Variants in LRP2 observed in about 807,000 individuals in gnomAD.
The protein encoded by LRP2 is low-density lipoprotein receptor-related protein 2.
In LRP2, 172 loss-of-function variants were observed where a neutral mutation model predicts 531.0. The ratio of observed to expected loss-of-function variants is 0.32; its 90% confidence interval spans 0.29 to 0.37. The LOEUF is 0.37. LRP2 is among the 10% of genes least tolerant of loss of function. The probability of loss-of-function intolerance (pLI) is 1.00; values close to 1 mark genes in which losing one functional copy is unlikely to be tolerated. For missense variants in LRP2, 5,167 were observed against 5,868.3 expected (o/e 0.88, Z 3.90); for synonymous variants, 1,992 against 2,027.6 (o/e 0.98, Z 0.47).
rs189539068 is a variant in LRP2, at chr2:169,354,287, A to G, written c.79+8034T>C. On this transcript the variant is annotated intron_variant, in intron 1 of 78. Transcript: ENST00000649046. ...ATCAGTGAGGAAAGACTTATTTTCA[A>G]AGTTACCAGGAATCTTCATGTGTTA... Among the ~76,000 whole-genome samples, 12 of 152,330 alleles carry G rather than the reference A, an allele frequency of 7.9e-5. No individual in the cohort carries two copies. The East Asian group carries it at 2.3e-3, about 29-fold the overall frequency.
chr2:169,275,000 G>GGTA (rs1559052204), intron 14 of LRP2, 36 bp downstream of exon 14: 1 of 1,598,728 alleles, frequency 6.3e-7, no homozygotes, highest in Admixed American at 1.7e-5. Flanking sequence ...CACCAAGTCC[G>GGTA]GTACCAAGCA....
intron 70 of LRP2, among the ~76,000 whole-genome samples, chr2:169,143,998 T>C (rs1685819028): frequency 6.6e-6 from 1 of 152,168 alleles, no homozygotes; most frequent in Non-Finnish European, 1.5e-5. Context: ...ATTTTCAAAC[T>C]TGAATGTGCT....
chr2:169,206,935 C>G lies in LRP2; in HGVS notation c.6785G>C (p.Arg2262Pro), dbSNP rs201740125. The change falls in exon 39 of 79, where the codon CGT (arginine) becomes CCT (proline). Residue 2262 changes from arginine (R) to proline (P), a missense_variant. Arg to Pro is a moderately radical substitution (Grantham distance 103). Transcript: ENST00000649046. ...DDSLDIIARIRINGENSEVIR... is the reference protein window; with the variant it reads ...DDSLDIIARIPINGENSEVIR... ...CACTTCAGAGTTCTCTCCATTGATA[C>G]GAATCCTTGCAATTATATCTAAAGA... 42 of 1,614,206 alleles carry G rather than the reference C, an allele frequency of 2.6e-5. No individual in the cohort carries two copies. In the East Asian group the frequency reaches 6.7e-4, roughly 26 times the overall value.
intron 1 of LRP2, among the ~76,000 whole-genome samples, chr2:169,341,034 C>T (rs1685548050): frequency 6.6e-6 from 1 of 152,110 alleles, no homozygotes; most frequent in Non-Finnish European, 1.5e-5. Flanking sequence ...AATACATACA[C>T]AAATGATTGT....
intron 1 of LRP2, among the ~76,000 whole-genome samples, chr2:169,361,754 A>G (rs142874144): frequency 9.7e-4 from 148 of 152,290 alleles, no homozygotes; most frequent in Non-Finnish European, 2.0e-3. Context: ...CTCTCGGCCA[A>G]TCCCACCTCC....
At chr2:169,162,380 A>G in intron 63 of LRP2, 92 bp downstream of exon 63, 2 of 1,442,626 alleles carry the variant, frequency 1.4e-6, no homozygotes, top group Non-Finnish European at 1.9e-6. Context: ...TTAAGGAGAA[A>G]ATGTGGTCAG....
intron 28 of LRP2, among the ~76,000 whole-genome samples, chr2:169,236,744 T>G (rs1689619639): frequency 2.0e-5 from 3 of 152,190 alleles, no homozygotes; most frequent in African/African-American, 7.2e-5. Flanking sequence ...TTTTTTGTTG[T>G]ATAATCATGA....
intron 63 of LRP2, among the ~76,000 whole-genome samples, chr2:169,158,475 G>C (rs1272608303): frequency 4.0e-5 from 6 of 151,830 alleles, no homozygotes; most frequent in Non-Finnish European, 8.8e-5. Context: ...AATATGTCTG[G>C]AACTTACGCT....
At chr2:169,197,904 G>C (rs1688059845) in intron 45 of LRP2, among the ~76,000 whole-genome samples, 1 of 152,180 alleles carries the variant, frequency 6.6e-6, no homozygotes, top group African/African-American at 2.4e-5. Context: ...AGGGGCCAGT[G>C]ACAAGAGTTT....
intron 52 of LRP2, among the ~76,000 whole-genome samples, chr2:169,179,807 C>T (rs1156502928): frequency 9.0e-6 from 1 of 110,864 alleles, no homozygotes; most frequent in Admixed American, 8.1e-5. Flanking sequence ...CAATTGCATG[C>T]TCTATAAAAA....
chr2:169,324,047 AAAG>A (rs1461258935), intron 1 of LRP2, among the ~76,000 whole-genome samples: 2 of 152,182 alleles, frequency 1.3e-5, no homozygotes, highest in Non-Finnish European at 2.9e-5. Flanking sequence ...GCAAAGATGA[AAAG>A]AAGTACTCAT....
At chr2:169,263,952 TG>T (rs1382857426) in intron 16 of LRP2, among the ~76,000 whole-genome samples, 1 of 152,104 alleles carries the variant, frequency 6.6e-6, no homozygotes, top group Non-Finnish European at 1.5e-5. Flanking sequence ...TGTAGGGACA[TG>T]GATGAAATTG....
chr2:169,336,058 A>T (rs912142983), intron 1 of LRP2, among the ~76,000 whole-genome samples: 1 of 152,052 alleles, frequency 6.6e-6, no homozygotes, highest in Admixed American at 6.6e-5. Flanking sequence ...CACTATCCTA[A>T]TTCTCTAAAC....
At chr2:169,360,146 AAAGAGAG>A (rs1367045337) in intron 1 of LRP2, among the ~76,000 whole-genome samples, 1 of 47,068 alleles carries the variant, frequency 2.1e-5, no homozygotes, top group Non-Finnish European at 5.7e-5. Context: ...AAAAAAAAAA[AAAGAGAG>A]AGAGAGAGAG....
intron 1 of LRP2, among the ~76,000 whole-genome samples, chr2:169,322,022 C>A (rs1459895058): frequency 6.6e-6 from 1 of 152,126 alleles, no homozygotes; most frequent in Admixed American, 6.6e-5. Flanking sequence ...AGAGAAGACT[C>A]AAAATTATTT....
At chr2:169,200,243 T>C (rs1161570319) in intron 44 of LRP2, among the ~76,000 whole-genome samples, 1 of 152,048 alleles carries the variant, frequency 6.6e-6, no homozygotes, top group East Asian at 1.9e-4. Flanking sequence ...AGAGCAAGAC[T>C]CCATCTCAAA....
chr2:169,285,153 TAAAAAAAA>T (rs58043794), intron 9 of LRP2, among the ~76,000 whole-genome samples: 14 of 134,648 alleles, frequency 1.0e-4, no homozygotes, highest in Admixed American at 5.2e-4. Context: ...TACTAAGAAT[TAAAAAAAA>T]AAAAAAAAAA....
intron 7 of LRP2, among the ~76,000 whole-genome samples, 197 bp from the exon 8 acceptor site, chr2:169,291,194 T>C (rs1049883671): frequency 6.6e-6 from 1 of 152,210 alleles, no homozygotes; most frequent in Non-Finnish European, 1.5e-5. Flanking sequence ...ATAATGGAAT[T>C]ACTCCACTTT....
At chr2:169,144,820 A>C (rs1685850089) in intron 70 of LRP2, among the ~76,000 whole-genome samples, 1 of 152,170 alleles carries the variant, frequency 6.6e-6, no homozygotes, top group Non-Finnish European at 1.5e-5. Flanking sequence ...CATGACTCAC[A>C]TATGGGGACA....
Sources: allele counts gnomAD v4.1 joint callset (sites outside exome capture counted in the v4.1 genomes callset), GRCh38; gene constraint gnomAD v4.1.1; transcripts MANE v1.5; gene names NCBI Gene and HGNC (gene_info 2026-07-23, HGNC 2026-07-21).